PAWR: variants seen among roughly 807,000 people sequenced by gnomAD.
PAWR encodes pro-apoptotic WT1 regulator.
Under a neutral mutation model 32.0 loss-of-function variants are expected in PAWR, and 23 were observed. The ratio of observed to expected loss-of-function variants is 0.72; its 90% CI spans 0.52 to 1.02. The LOEUF is 1.02. PAWR is among the 50% of genes least tolerant of loss of function. PAWR has a pLI of 0.00. For missense variants in PAWR, 457 were observed against 437.7 expected (o/e 1.04, Z -0.39); for synonymous variants, 226 against 187.1 (o/e 1.21, Z -1.70).
At chr12:79,653,637 G>A (rs1876960680) in intron 2 of PAWR, among the ~76,000 whole-genome samples, 1 of 151,942 alleles carries the variant, frequency 6.6e-6, no homozygotes, top group South Asian at 2.1e-4. Context: ...GCGCCACCAC[G>A]CCAGGCTAAT....
intron 2 of PAWR, among the ~76,000 whole-genome samples, chr12:79,645,879 A>C (rs568660028): frequency 1.3e-4 from 20 of 152,232 alleles, no homozygotes; most frequent in Non-Finnish European, 2.4e-4. Flanking sequence ...AGCTTTTAGT[A>C]GATAATGCCC....
intron 2 of PAWR, among the ~76,000 whole-genome samples, chr12:79,652,269 C>T (rs1032037181): frequency 2.0e-5 from 3 of 152,056 alleles, no homozygotes; most frequent in Admixed American, 6.6e-5. Flanking sequence ...TATGTTACCA[C>T]ATTAATAAAA....
At chr12:79,626,508 C>T (rs182270866) in intron 2 of PAWR, among the ~76,000 whole-genome samples, 1 of 151,632 alleles carries the variant, frequency 6.6e-6, no homozygotes, top group South Asian at 2.1e-4. Context: ...ATCCACCCCC[C>T]ACGGCCTCCC....
At chr12:79,650,321 C>T (rs924062043) in intron 2 of PAWR, among the ~76,000 whole-genome samples, 3 of 152,182 alleles carry the variant, frequency 2.0e-5, no homozygotes, top group Admixed American at 2.0e-4. Context: ...GAAGGCTACA[C>T]GCTACATTGA....
At chr12:79,662,314 C>A (rs1877392671) in intron 2 of PAWR, among the ~76,000 whole-genome samples, 1 of 150,496 alleles carries the variant, frequency 6.6e-6, no homozygotes, top group South Asian at 2.1e-4. Flanking sequence ...ACAGTTTTTA[C>A]TGATAACATC....
At chr12:79,613,536 T>G (rs1439255487) in intron 4 of PAWR, 39 bp downstream of exon 4, 3 of 1,131,114 alleles carry the variant, frequency 2.7e-6, no homozygotes, top group Admixed American at 3.6e-5. Context: ...AGACATTACA[T>G]TCATGTCTAC....
chr12:79,636,927 T>C (rs4441080), intron 2 of PAWR, among the ~76,000 whole-genome samples: 29,866 of 152,090 alleles, frequency 0.2, 7,768 homozygotes, highest in African/African-American at 0.59. Context: ...TTTTGCAAAG[T>C]ATAAACACTC....
intron 2 of PAWR, among the ~76,000 whole-genome samples, chr12:79,649,875 C>T (rs1031314568): frequency 2.0e-5 from 3 of 152,110 alleles, no homozygotes; most frequent in South Asian, 4.1e-4. Flanking sequence ...AATTTTTTCA[C>T]GGACTGGGCT....
chr12:79,619,433 G>A (rs766304359), intron 3 of PAWR, among the ~76,000 whole-genome samples: 2 of 152,118 alleles, frequency 1.3e-5, no homozygotes, highest in African/African-American at 4.8e-5. Context: ...GCTTAATAAC[G>A]AAAGAAAGAA....
chr12:79,602,347 C>T (rs1873995951), intron 4 of PAWR, among the ~76,000 whole-genome samples: 1 of 152,148 alleles, frequency 6.6e-6, no homozygotes, highest in Non-Finnish European at 1.5e-5. Context: ...CTGATTCAGA[C>T]TCCATTTAAA....
chr12:79,640,760 T>C (rs1451373355), intron 2 of PAWR, among the ~76,000 whole-genome samples: 1 of 151,732 alleles, frequency 6.6e-6, no homozygotes, highest in African/African-American at 2.4e-5. Flanking sequence ...AAAATAAAAA[T>C]AAAAATCTGA....
Position 79,672,177 on chromosome 12 carries a change from G to A in PAWR, c.516+17552C>T, listed in dbSNP as rs142895595. ...TGTAGTGGTCTGCCCTCTCCTTCCCGTACACAGAGCCCATTCTTTACCTAC... is the reference window on the plus strand; with the variant it reads ...TGTAGTGGTCTGCCCTCTCCTTCCCATACACAGAGCCCATTCTTTACCTAC... On this transcript the variant is annotated intron_variant, in intron 2 of 6. Transcript: ENST00000328827. Among the ~76,000 whole-genome samples the A allele has an allele frequency of 4.1e-3, 629 of 151,936 alleles. 11 individuals carry two copies. Among genetic ancestry groups the A allele is most frequent in the African/African-American group, 0.014 (590 of 41,446 alleles).
In PAWR at chr12:79,586,389, C is replaced by T. The variant is rs1328339856; in HGVS notation, c.*6218G>A. The stretch of plus-strand genomic sequence containing the variant: ...GAAAAAGACACCTTTCTATTCATTT[C>T]TTAATAATTTGTTTCCATAAAGCTA... On this transcript the variant is annotated 3_prime_UTR_variant, in exon 7 of 7. Transcript: ENST00000328827. 2 of 152,562 alleles carry T rather than the reference C, an allele frequency of 1.3e-5. No individual in the cohort carries two copies. The allele number at this position is 152,562 out of a possible 1,614,324, so 9.5% of individuals were successfully genotyped here.
At position 79,592,587 on chromosome 12, in the gene PAWR, C is replaced by T. The variant is rs1873593093; in HGVS notation, c.*20G>A. On this transcript the variant is annotated 3_prime_UTR_variant, in exon 7 of 7. Coordinates refer to ENST00000328827, the MANE Select transcript of PAWR (RefSeq NM_002583.4). ...AATCAGTAGTTTAAAATATTTTTTC[C>T]ACATTGAGTCTTGAATCCTCTACCT... The T allele has an allele frequency of 1.3e-6, 1 of 749,540 alleles. No individual in the cohort carries two copies. Among genetic ancestry groups the T allele is most frequent in the Non-Finnish European group, 2.4e-6 (1 of 411,004 alleles). 46.4% of individuals were successfully genotyped at this position (749,540 alleles called of 1,614,324 possible).
intron 2 of PAWR, among the ~76,000 whole-genome samples, chr12:79,662,831 A>C (rs981404507): frequency 6.6e-6 from 1 of 152,246 alleles, no homozygotes; most frequent in African/African-American, 2.4e-5. Flanking sequence ...GAGTAAGGAA[A>C]CATCAAGAAA....
At chr12:79,666,600 C>T (rs1471278258) in intron 2 of PAWR, among the ~76,000 whole-genome samples, 1 of 152,084 alleles carries the variant, frequency 6.6e-6, no homozygotes, top group Admixed American at 6.5e-5. Context: ...AAGGATGAAG[C>T]AGATAGGAGA....
chr12:79,690,359 G>T lies in PAWR; in HGVS notation c.-115C>A. The T allele has an allele frequency of 1.5e-6, 2 of 1,348,930 alleles. No homozygotes were observed. The highest frequency in any genetic ancestry group is 1.9e-6 in the Non-Finnish European group (2 of 1,054,880). 83.6% of individuals were successfully genotyped at this position (1,348,930 alleles called of 1,614,324 possible). On this transcript the variant is annotated 5_prime_UTR_variant, in exon 2 of 7. Coordinates refer to ENST00000328827, the MANE Select transcript of PAWR (RefSeq NM_002583.4). ...TGCCAGGAGACGACCTCCAGGAGAG[G>T]GACGGCCGCCGCTCCCACAGCAGCC... is the stretch of plus-strand genomic sequence containing the variant.
At chr12:79,663,751 A>G (rs1877461975) in intron 2 of PAWR, among the ~76,000 whole-genome samples, 1 of 151,382 alleles carries the variant, frequency 6.6e-6, no homozygotes, top group African/African-American at 2.4e-5. Flanking sequence ...ATGGAGTGAG[A>G]CTCTGTCTCA....
At chr12:79,613,479 TTTTCAAAAAGCTGCTTTAAATAGTTC>T in intron 4 of PAWR, 70 bp downstream of exon 4, 2 of 598,804 alleles carry the variant, frequency 3.3e-6, no homozygotes, top group South Asian at 6.0e-5. Flanking sequence ...AGTTTCTTAC[TTTTCAAAAAGCTGCTTTAAATAGTTC>T]TAGTTAAGTC....
Sources: allele counts gnomAD v4.1 joint callset (sites outside exome capture counted in the v4.1 genomes callset), GRCh38; gene constraint gnomAD v4.1.1; transcripts MANE v1.5; gene names NCBI Gene and HGNC (gene_info 2026-07-23, HGNC 2026-07-21).